Variants in PXMP4 observed in about 807,000 individuals in gnomAD.
PXMP4 encodes the protein peroxisomal membrane protein 4, also known as 24 kDa peroxisomal intrinsic membrane protein.
Under a neutral mutation model 21.6 loss-of-function variants are expected in PXMP4, and 16 were observed. The ratio of observed to expected loss-of-function variants is 0.74; its 90% CI spans 0.50 to 1.13. PXMP4 has a LOEUF of 1.13. Ranked by LOEUF, PXMP4 falls within the 50% of genes most tolerant of loss-of-function variation. The pLI is 0.00. For missense variants in PXMP4, 240 were observed against 277.7 expected (o/e 0.86, Z 0.96); for synonymous variants, 127 against 123.8 (o/e 1.03, Z -0.17).
At chr20:33,718,326 C>G (rs964536948) in intron 1 of PXMP4, among the ~76,000 whole-genome samples, 3 of 151,770 alleles carry the variant, frequency 2.0e-5, no homozygotes, top group Non-Finnish European at 2.9e-5. Flanking sequence ...CTGGCTAACA[C>G]GGTGAAACCC....
intron 2 of PXMP4, among the ~76,000 whole-genome samples, chr20:33,711,956 G>C (rs2018331237): frequency 6.6e-6 from 1 of 151,496 alleles, no homozygotes; most frequent in African/African-American, 2.4e-5. Flanking sequence ...TCCAGTCTGG[G>C]TGACAGAGAC....
chr20:33,717,586 G>C (rs1176910913), intron 1 of PXMP4, among the ~76,000 whole-genome samples: 1 of 137,488 alleles, frequency 7.3e-6, no homozygotes, highest in Non-Finnish European at 1.5e-5. Flanking sequence ...CTTGCAGTGA[G>C]CCGAGATCGC....
intron 1 of PXMP4, among the ~76,000 whole-genome samples, 169 bp downstream of exon 1, chr20:33,719,926 C>T (rs1354953646): frequency 3.9e-5 from 6 of 152,248 alleles, no homozygotes; most frequent in African/African-American, 1.4e-4. Flanking sequence ...TGGGAAGGCG[C>T]GCAAGCCAAA....
intron 2 of PXMP4, 116 bp from the exon 3 acceptor site, chr20:33,710,869 C>T (rs1601204797): frequency 2.9e-6 from 3 of 1,021,610 alleles, no homozygotes; most frequent in Non-Finnish European, 4.2e-6. Flanking sequence ...CTCATTCAGT[C>T]ACCGGCCTCT....
At chr20:33,709,242 A>C (rs1454269525) in intron 3 of PXMP4, among the ~76,000 whole-genome samples, 2 of 152,226 alleles carry the variant, frequency 1.3e-5, no homozygotes, top group Non-Finnish European at 2.9e-5. Flanking sequence ...TGTTGCAATG[A>C]GCCTAGATCG....
chr20:33,706,720 G>A lies in PXMP4; in HGVS notation c.*986C>T, dbSNP rs763403329. The A allele has an allele frequency of 3.3e-5, 5 of 152,186 alleles. No individual in the cohort carries two copies. Among genetic ancestry groups the A allele is most frequent in the East Asian group, 1.9e-4 (1 of 5,172 alleles). 9.4% of individuals were successfully genotyped at this position (152,186 alleles called of 1,614,324 possible). ...CAAGTGTTCCATATCTGTGTTGCCCGTCACAGCAGCCACTAGCCACATGTG... is the reference window on the plus strand; with the variant it reads ...CAAGTGTTCCATATCTGTGTTGCCCATCACAGCAGCCACTAGCCACATGTG... On this transcript the variant is annotated 3_prime_UTR_variant, in exon 4 of 4. Coordinates refer to ENST00000409299, the MANE Select transcript of PXMP4 (RefSeq NM_007238.5).
At chr20:33,712,499 G>A (rs2018338763) in intron 2 of PXMP4, among the ~76,000 whole-genome samples, 1 of 152,056 alleles carries the variant, frequency 6.6e-6, no homozygotes. Context: ...GCCCAGGCTG[G>A]AGTCCAGTGG....
At chr20:33,712,418 C>G (rs569613771) in intron 2 of PXMP4, among the ~76,000 whole-genome samples, 1 of 152,246 alleles carries the variant, frequency 6.6e-6, no homozygotes, top group East Asian at 1.9e-4. Context: ...TCCCCTCCCC[C>G]CACACCAATC....
rs776381344 is a variant in PXMP4, at chr20:33,707,854, C to G, written c.491G>C (p.Trp164Ser). The change falls in exon 4 of 4, where the codon TGG (tryptophan) becomes TCG (serine). Residue 164 changes from tryptophan to serine, a missense_variant. Physicochemically the swap from Trp to Ser is radical, Grantham distance 177 (BLOSUM62 -3). Coordinates refer to ENST00000409299, the MANE Select transcript of PXMP4 (RefSeq NM_007238.5). Reference protein sequence around the residue: ...DPFPLLTAVVWGLVLWLFEYH... With the variant: ...DPFPLLTAVVSGLVLWLFEYH... ...CTCAAAGAGCCACAGCACCAGCCCC[C>G]ACACCACCGCAGTGAGCAGCGGGAA... 7 of 1,614,016 alleles carry G rather than the reference C, an allele frequency of 4.3e-6. No homozygotes were observed. Among genetic ancestry groups the G allele is most frequent in the Non-Finnish European group, 2.5e-6 (3 of 1,180,040 alleles).
intron 2 of PXMP4, among the ~76,000 whole-genome samples, chr20:33,714,048 T>A (rs2018358878): frequency 6.6e-6 from 1 of 152,158 alleles, no homozygotes; most frequent in Non-Finnish European, 1.5e-5. Flanking sequence ...CGTGAGCAGA[T>A]GTGTGCAGGT....
In PXMP4 at chr20:33,707,763, A is replaced by G. The variant is rs764549910; in HGVS notation, c.582T>C (p.Asn194=). 5 of 1,614,112 alleles carry G rather than the reference A, an allele frequency of 3.1e-6. No individual in the cohort carries two copies. Among genetic ancestry groups the G allele is most frequent in the East Asian group, 2.2e-5 (1 of 44,880 alleles). Residue 194 remains asparagine, a synonymous_variant, in exon 4 of 4, where the codon AAT becomes AAC. Transcript: ENST00000409299. ...SSMTYLYEDS[N]VWHDISDFLV... Reference sequence around the variant, plus strand: ...GGAAGTCTGAGATGTCGTGCCATACATTGCTGTCCTCATAGAGGTAGGTCA... The same window carrying G: ...GGAAGTCTGAGATGTCGTGCCATACGTTGCTGTCCTCATAGAGGTAGGTCA...
chr20:33,708,013 T>G lies in PXMP4; in HGVS notation c.376-44A>C, dbSNP rs752758706. On this transcript the variant is annotated intron_variant, in intron 3 of 3. Transcript: ENST00000409299. ...GGGAATTACTGGTGATCAATAGTGA[T>G]GTCCCTCTTTTGTTTTTGATATTAA... is the stretch of plus-strand genomic sequence containing the variant. The G allele has an allele frequency of 5.7e-6, 9 of 1,568,282 alleles. No individual in the cohort carries two copies. In the Admixed American group the frequency reaches 1.6e-4, roughly 29 times the overall value.
rs1328890926 is a variant in PXMP4 at position 33,704,700 on chromosome 20, C to G, written c.*3006G>C. 6.6e-6 allele frequency: 1 copy of G among 152,192 alleles called. No individual in the cohort carries two copies. The highest frequency in any genetic ancestry group is 1.5e-5 in the Non-Finnish European group (1 of 68,052). The allele number at this position is 152,192 out of a possible 1,614,324, so 9.4% of individuals were successfully genotyped here. On this transcript the variant is annotated 3_prime_UTR_variant, in exon 4 of 4. Transcript: ENST00000409299. ...TCAGATGGGATAATAATGGACGGCT[C>G]CATATCATTCCCCACCCCCTTGTTA...
intron 3 of PXMP4, among the ~76,000 whole-genome samples, chr20:33,709,043 TG>T (rs1205570396): frequency 2.6e-5 from 4 of 152,306 alleles, no homozygotes; most frequent in Non-Finnish European, 5.9e-5. Context: ...TGGCTCACGC[TG>T]CACTTTGGGA....
intron 2 of PXMP4, 98 bp from the exon 3 acceptor site, chr20:33,710,851 G>A (rs1381970814): frequency 1.6e-6 from 2 of 1,212,258 alleles, no homozygotes; most frequent in Non-Finnish European, 2.3e-6. Context: ...AAGGAGCTCG[G>A]AGTAATGCTC....
rs1257393510 is a variant in PXMP4 at position 33,707,554 on chromosome 20, G to A, written c.*152C>T. The A allele has an allele frequency of 1.7e-6, 2 of 1,143,688 alleles. No individual in the cohort carries two copies. Among genetic ancestry groups the A allele is most frequent in the Non-Finnish European group, 2.4e-6 (2 of 821,418 alleles). The allele number at this position is 1,143,688 out of a possible 1,614,324, so 70.8% of individuals were successfully genotyped here. ...GCCACCATACAAAGGTACCCACTGG[G>A]ATTTTAAAATCAGTGTTTTTACTTC... On this transcript the variant is annotated 3_prime_UTR_variant, in exon 4 of 4. Coordinates refer to ENST00000409299, the MANE Select transcript of PXMP4 (RefSeq NM_007238.5).
chr20:33,714,707 G>A lies in PXMP4; in HGVS notation c.143C>T (p.Ala48Val), dbSNP rs367855619. 4.3e-5 allele frequency: 69 copies of A among 1,614,070 alleles called. No individual in the cohort carries two copies. Among genetic ancestry groups the A allele is most frequent in the South Asian group, 3.4e-4 (31 of 91,088 alleles). Residue 48 changes from alanine (A) to valine (V), a missense_variant, in exon 2 of 4, where the codon GCG becomes GTG. Ala to Val is a moderately conservative substitution (Grantham distance 64). Coordinates refer to ENST00000409299, the MANE Select transcript of PXMP4 (RefSeq NM_007238.5). ...CCGGAAGAGAAAGGTCATGACCAGC[G>A]CGTGAGGGGCCCGGATTTTGGCTCC... is the stretch of plus-strand genomic sequence containing the variant. ...VYGAKIRAPH[A>V]LVMTFLFRNG...
chr20:33,709,606 A>G (rs1949845983), intron 3 of PXMP4, among the ~76,000 whole-genome samples: 1 of 152,028 alleles, frequency 6.6e-6, no homozygotes, highest in South Asian at 2.1e-4. Flanking sequence ...TCACAGAGGG[A>G]CTGGTGAGTC....
rs778111445 is a variant in PXMP4, at chr20:33,710,545, G to A, written c.375+10C>T. ...CCCCTTCACTACCCCCATCTCGGGA[G>A]GATCTTTACCTGGCTGTTGATGTTA... On this transcript the variant is annotated intron_variant, in intron 3 of 3. Transcript: ENST00000409299. 6.4e-7 allele frequency: 1 copy of A among 1,570,454 alleles called. No homozygotes were observed. Among genetic ancestry groups the A allele is most frequent in the South Asian group, 1.1e-5 (1 of 90,098 alleles).
Sources: gnomAD v4.1 joint callset for allele counts (sites outside exome capture counted in the v4.1 genomes callset) on GRCh38, gnomAD v4.1.1 for gene constraint, MANE v1.5 for transcripts, NCBI Gene and HGNC (gene_info 2026-07-23, HGNC 2026-07-21) for gene names.